BANK1: variants seen among roughly 807,000 people sequenced by gnomAD.
BANK1 encodes B-cell scaffold protein with ankyrin repeats.
A neutral mutation model predicts 94.5 loss-of-function variants in BANK1; 95 were observed. That is an observed-to-expected ratio of 1.00 (90% CI 0.85 to 1.19). The LOEUF is 1.19. Ranked by LOEUF, BANK1 falls within the 50% of genes most tolerant of loss-of-function variation. The probability of loss-of-function intolerance (pLI) is 0.00; values close to 1 mark genes in which losing one functional copy is unlikely to be tolerated. For synonymous variants in BANK1, 334 were observed against 308.4 expected (o/e 1.08, Z -0.87); for missense variants, 987 against 932.2 (o/e 1.06, Z -0.77).
Position 101,924,151 on chromosome 4 carries a change from T to A in BANK1, c.1206+5962T>A, listed in dbSNP as rs577915814. On this transcript the variant is annotated intron_variant, in intron 7 of 16. Transcript: ENST00000322953. Reference sequence around the variant, plus strand: ...AATTTCCCAAATTAATTTTATGAGATGTAATATATTATTTAGAAAAACTGT... The same window carrying A: ...AATTTCCCAAATTAATTTTATGAGAAGTAATATATTATTTAGAAAAACTGT... 6.9e-4 allele frequency among the ~76,000 whole-genome samples: 105 copies of A among 151,956 alleles called. No homozygotes were observed. The South Asian group carries it at 0.02, about 28-fold the overall frequency.
At chr4:101,925,858 G>A (rs1445055872) in intron 7 of BANK1, among the ~76,000 whole-genome samples, 1 of 151,648 alleles carries the variant, frequency 6.6e-6, no homozygotes, top group African/African-American at 2.4e-5. Flanking sequence ...ATGCCTGCTG[G>A]TCAAAAGGAA....
At chr4:102,030,340 G>T (rs936408322) in intron 10 of BANK1, 75 bp downstream of exon 10, 5 of 1,394,402 alleles carry the variant, frequency 3.6e-6, no homozygotes, top group Non-Finnish European at 4.8e-6. Flanking sequence ...AGGGGATAAG[G>T]TGATGCAATT....
chr4:101,851,012 A>T (rs1727455326), intron 2 of BANK1, among the ~76,000 whole-genome samples: 2 of 152,202 alleles, frequency 1.3e-5, no homozygotes, highest in South Asian at 4.1e-4. Context: ...TTCAAGTGAA[A>T]GAAAGAGTCA....
At chr4:102,020,014 G>A (rs1726838945) in intron 7 of BANK1, among the ~76,000 whole-genome samples, 1 of 152,028 alleles carries the variant, frequency 6.6e-6, no homozygotes, top group Non-Finnish European at 1.5e-5. Flanking sequence ...AATTCCATTA[G>A]GTTTCAGCCT....
intron 7 of BANK1, among the ~76,000 whole-genome samples, chr4:101,932,332 T>G (rs1264322005): frequency 2.6e-5 from 4 of 151,616 alleles, no homozygotes; most frequent in Non-Finnish European, 5.9e-5. Context: ...TTTTTATATA[T>G]GTGTGCATAT....
chr4:101,806,738 C>T (rs1725567872), intron 1 of BANK1, among the ~76,000 whole-genome samples: 1 of 152,156 alleles, frequency 6.6e-6, no homozygotes. Context: ...TTAGTATATT[C>T]ATTGAGAAAG....
chr4:101,977,935 A>G (rs527565882), intron 7 of BANK1, among the ~76,000 whole-genome samples: 2 of 141,254 alleles, frequency 1.4e-5, no homozygotes, highest in South Asian at 4.8e-4. Flanking sequence ...TAAATGTTTT[A>G]AAATTTAGGG....
chr4:101,880,703 T>C (rs1201181898), intron 5 of BANK1, among the ~76,000 whole-genome samples: 1 of 152,074 alleles, frequency 6.6e-6, no homozygotes, highest in Non-Finnish European at 1.5e-5. Context: ...AAAAACAGCA[T>C]GATATTGGCG....
chr4:101,899,546 G>A (rs566141053), intron 6 of BANK1, among the ~76,000 whole-genome samples: 7 of 151,924 alleles, frequency 4.6e-5, no homozygotes, highest in African/African-American at 7.2e-5. Flanking sequence ...TTTTACCTGC[G>A]TAACCAAAAA....
intron 10 of BANK1, among the ~76,000 whole-genome samples, chr4:102,036,435 A>G (rs553025633): frequency 7.9e-5 from 12 of 152,334 alleles, no homozygotes; most frequent in African/African-American, 2.6e-4. Context: ...CTCATTAGTA[A>G]AATACGGTCA....
At chr4:101,897,335 A>T (rs1578384930) in intron 6 of BANK1, among the ~76,000 whole-genome samples, 4 of 152,126 alleles carry the variant, frequency 2.6e-5, no homozygotes, top group Admixed American at 2.6e-4. Context: ...GATGGAGAAG[A>T]TGGCATGGTT....
At chr4:101,803,447 G>C (rs1725423294) in intron 1 of BANK1, among the ~76,000 whole-genome samples, 2 of 152,048 alleles carry the variant, frequency 1.3e-5, no homozygotes, top group Admixed American at 6.6e-5. Context: ...TATTTAGTTG[G>C]GGTAAGTTAG....
rs377691829 is a variant in BANK1, at chr4:101,936,195, AT to A, written c.1206+18012del. Among the ~76,000 whole-genome samples the A allele has an allele frequency of 1.4e-3, 204 of 149,176 alleles. 1 individual carries two copies. Among genetic ancestry groups the A allele is most frequent in the Middle Eastern group, 0.011 (3 of 284 alleles). The stretch of plus-strand genomic sequence containing the variant: ...AGAAAAAAATATATATGATATATAT[AT>A]TTTTTATATATCATATATGTACATG... On this transcript the variant is annotated intron_variant, in intron 7 of 16. Coordinates refer to ENST00000322953, the MANE Select transcript of BANK1 (RefSeq NM_017935.5).
At chr4:102,003,212 G>T (rs1358517103) in intron 7 of BANK1, among the ~76,000 whole-genome samples, 1 of 152,150 alleles carries the variant, frequency 6.6e-6, no homozygotes, top group African/African-American at 2.4e-5. Context: ...ACACCTAGTT[G>T]TATGTATTGC....
rs566723755 is a variant in BANK1 at position 101,977,421 on chromosome 4, C to T, written c.1207-44093C>T. ...AAAATATTTTAAACAGCACTAATGA[C>T]GCAGATTAGCCCCAAAATTGTTCTT... On this transcript the variant is annotated intron_variant, in intron 7 of 16. Coordinates refer to ENST00000322953, the MANE Select transcript of BANK1 (RefSeq NM_017935.5). Among the ~76,000 whole-genome samples the T allele has an allele frequency of 7.2e-4, 109 of 152,218 alleles. 1 individual carries two copies. Among genetic ancestry groups the T allele is most frequent in the African/African-American group, 2.4e-3 (99 of 41,552 alleles).
chr4:101,875,584 CCCCCATGATCCAAT>C (rs1728460980), intron 5 of BANK1, among the ~76,000 whole-genome samples: 1 of 152,068 alleles, frequency 6.6e-6, no homozygotes, highest in South Asian at 2.1e-4. Flanking sequence ...GGAGAAACCA[CCCCCATGATCCAAT>C]CACCTCCCAC....
intron 7 of BANK1, among the ~76,000 whole-genome samples, chr4:101,980,601 A>G (rs1725296018): frequency 6.6e-6 from 1 of 151,922 alleles, no homozygotes; most frequent in Admixed American, 6.6e-5. Flanking sequence ...TTCAAACTTT[A>G]GAAAAACCTT....
chr4:102,001,213 C>G (rs1726057888), intron 7 of BANK1, among the ~76,000 whole-genome samples: 1 of 152,208 alleles, frequency 6.6e-6, no homozygotes, highest in African/African-American at 2.4e-5. Flanking sequence ...GGGGACACTT[C>G]AGGTAATTTG....
At chr4:101,816,947 C>T (rs1453390341) in intron 1 of BANK1, among the ~76,000 whole-genome samples, 1 of 152,080 alleles carries the variant, frequency 6.6e-6, no homozygotes, top group Non-Finnish European at 1.5e-5. Context: ...TCCAAAATCT[C>T]AGGGGTATGT....
Sources: allele counts gnomAD v4.1 joint callset (sites outside exome capture counted in the v4.1 genomes callset), GRCh38; gene constraint gnomAD v4.1.1; transcripts MANE v1.5; gene names NCBI Gene and HGNC (gene_info 2026-07-23, HGNC 2026-07-21).